NRXN1: variants seen among roughly 807,000 people sequenced by gnomAD.
The protein encoded by NRXN1 is neurexin-1.
Under a neutral mutation model 150.9 loss-of-function variants are expected in NRXN1, and 39 were observed. The ratio of observed to expected loss-of-function variants is 0.26; its 90% CI spans 0.20 to 0.34. The LOEUF is 0.34. Ranked by LOEUF, NRXN1 falls within the 10% of genes least tolerant of loss-of-function variation. The probability of loss-of-function intolerance (pLI) is 1.00; values close to 1 mark genes in which losing one functional copy is unlikely to be tolerated. For missense variants in NRXN1, 1,815 were observed against 1,949.9 expected, an observed-to-expected ratio of 0.93 and a Z score of 1.30; for synonymous variants, 924 against 757.0, an observed-to-expected ratio of 1.22 and a Z score of -3.62.
chr2:50,048,687 G>C (rs943278181), intron 21 of NRXN1, among the ~76,000 whole-genome samples: 1 of 152,062 alleles, frequency 6.6e-6, no homozygotes, highest in Non-Finnish European at 1.5e-5. Context: ...GGAATCAAAT[G>C]CTACTGACTT....
chr2:50,328,323 C>A lies in NRXN1; in HGVS notation c.3365-91353G>T, dbSNP rs574964362. 2.6e-5 allele frequency among the ~76,000 whole-genome samples: 4 copies of A among 152,142 alleles called. No homozygotes were observed. In the East Asian group the frequency reaches 7.7e-4, roughly 29 times the overall value. ...CCCAGGGAAGCCAAAAGCATGGACA[C>A]CCCTGTATAGCATGAGTAAACACCT... On this transcript the variant is annotated intron_variant, in intron 17 of 22. Coordinates refer to ENST00000401669, the MANE Select transcript of NRXN1 (RefSeq NM_001330078.2).
At chr2:50,415,152 T>C (rs879347050) in intron 17 of NRXN1, among the ~76,000 whole-genome samples, 5 of 152,058 alleles carry the variant, frequency 3.3e-5, no homozygotes, top group Non-Finnish European at 5.9e-5. Flanking sequence ...TTTAGTGCTT[T>C]TAAAATTGAA....
intron 8 of NRXN1, among the ~76,000 whole-genome samples, chr2:50,554,890 T>C (rs946031896): frequency 5.9e-5 from 9 of 152,134 alleles, no homozygotes; most frequent in Non-Finnish European, 8.8e-5. Context: ...CAAGCATCTA[T>C]TGACAACAAA....
At chr2:50,543,313 G>A (rs1173927990) in intron 9 of NRXN1, among the ~76,000 whole-genome samples, 2 of 151,932 alleles carry the variant, frequency 1.3e-5, no homozygotes, top group East Asian at 3.9e-4. Flanking sequence ...CCTAAAATTG[G>A]GGAAAAGTTC....
At chr2:49,990,011 A>G (rs980528050) in intron 21 of NRXN1, among the ~76,000 whole-genome samples, 2 of 152,056 alleles carry the variant, frequency 1.3e-5, no homozygotes, top group African/African-American at 4.8e-5. Context: ...GCTTCTAACA[A>G]TGCTGAGGCC....
At chr2:50,895,271 A>G (rs1459955453) in intron 5 of NRXN1, among the ~76,000 whole-genome samples, 1 of 152,190 alleles carries the variant, frequency 6.6e-6, no homozygotes, top group African/African-American at 2.4e-5. Flanking sequence ...AAGGAATCCA[A>G]TAAAAAGGTG....
At chr2:50,625,232 A>C (rs1394253772) in intron 5 of NRXN1, among the ~76,000 whole-genome samples, 1 of 152,106 alleles carries the variant, frequency 6.6e-6, no homozygotes, top group Admixed American at 6.6e-5. Context: ...CATCAGTGCC[A>C]GATGATCTGC....
chr2:50,725,339 C>G (rs1169882876), intron 5 of NRXN1, among the ~76,000 whole-genome samples: 1 of 147,084 alleles, frequency 6.8e-6, no homozygotes, highest in Non-Finnish European at 1.5e-5. Flanking sequence ...AAGTTTTCAA[C>G]AACTTAAAAA....
intron 17 of NRXN1, among the ~76,000 whole-genome samples, chr2:50,400,055 G>T (rs2082299204): frequency 6.6e-6 from 1 of 151,880 alleles, no homozygotes; most frequent in South Asian, 2.1e-4. Flanking sequence ...AGAGCTTGTG[G>T]CATAATGCAC....
At chr2:50,849,610 T>C (rs1378047214) in intron 5 of NRXN1, among the ~76,000 whole-genome samples, 1 of 151,668 alleles carries the variant, frequency 6.6e-6, no homozygotes, top group Non-Finnish European at 1.5e-5. Flanking sequence ...ACAGTTCAGT[T>C]CTCTCTCTCT....
intron 17 of NRXN1, among the ~76,000 whole-genome samples, chr2:50,420,087 C>G (rs1558699417): frequency 6.6e-6 from 1 of 151,976 alleles, no homozygotes; most frequent in African/African-American, 2.4e-5. Context: ...GAATTCTCCT[C>G]TTTTTACAAA....
intron 18 of NRXN1, among the ~76,000 whole-genome samples, chr2:50,158,635 C>A (rs1256633411): frequency 6.6e-6 from 1 of 151,942 alleles, no homozygotes; most frequent in East Asian, 1.9e-4. Flanking sequence ...CTTCAGAAAC[C>A]AGGAAGCTGA....
intron 17 of NRXN1, among the ~76,000 whole-genome samples, chr2:50,454,036 A>C (rs768321492): frequency 9.8e-5 from 15 of 152,316 alleles, no homozygotes; most frequent in East Asian, 3.9e-4. Context: ...AATTAATATG[A>C]TAATATACAG....
At chr2:50,047,354 A>T (rs1691977949) in intron 21 of NRXN1, among the ~76,000 whole-genome samples, 1 of 151,836 alleles carries the variant, frequency 6.6e-6, no homozygotes. Flanking sequence ...ACACACATAT[A>T]TATATGTTCT....
chr2:49,993,025 T>C lies in NRXN1; in HGVS notation c.4129-49234A>G, dbSNP rs72887845. Among the ~76,000 whole-genome samples, 773 of 152,316 alleles carry C rather than the reference T, an allele frequency of 5.1e-3. 6 individuals are homozygous for C. Among genetic ancestry groups the C allele is most frequent in the African/African-American group, 0.018 (744 of 41,562 alleles). ...CAGTTTCTAACAAAGCTAAACATAC[T>C]TTTACCATACAATCCAGCAATCACT... On this transcript the variant is annotated intron_variant, in intron 21 of 22. Coordinates refer to ENST00000401669, the MANE Select transcript of NRXN1 (RefSeq NM_001330078.2).
intron 15 of NRXN1, among the ~76,000 whole-genome samples, chr2:50,488,850 G>A (rs978416544): frequency 3.9e-5 from 6 of 152,206 alleles, no homozygotes; most frequent in Non-Finnish European, 1.5e-5. Flanking sequence ...TGAACAAGAA[G>A]CTCGAATTCT....
Position 50,465,398 on chromosome 2 carries a change from G to T in NRXN1, c.3364+44C>A, listed in dbSNP as rs781721675. On this transcript the variant is annotated intron_variant, in intron 17 of 22. Transcript: ENST00000401669. ...AGACTTTAGATATCAAACAGTAACTGGAAGCAACGATGAGTATCAGTCCAT... is the reference window on the plus strand; with the variant it reads ...AGACTTTAGATATCAAACAGTAACTTGAAGCAACGATGAGTATCAGTCCAT... 2.6e-6 allele frequency: 4 copies of T among 1,541,260 alleles called. No homozygotes were observed. The Admixed American group carries it at 7.7e-5, about 29-fold the overall frequency.
intron 18 of NRXN1, among the ~76,000 whole-genome samples, chr2:50,168,545 T>G (rs551085123): frequency 6.6e-6 from 1 of 152,318 alleles, no homozygotes; most frequent in East Asian, 1.9e-4. Context: ...TTAACAGAAC[T>G]TAGTTTTTTT....
intron 5 of NRXN1, among the ~76,000 whole-genome samples, chr2:50,896,972 C>T (rs1042922856): frequency 2.6e-5 from 4 of 152,146 alleles, no homozygotes; most frequent in African/African-American, 9.7e-5. Flanking sequence ...CAGGAAGTGT[C>T]CTGAGCAAAA....
Sources: gnomAD v4.1 joint callset for allele counts (sites outside exome capture counted in the v4.1 genomes callset) on GRCh38, gnomAD v4.1.1 for gene constraint, MANE v1.5 for transcripts, NCBI Gene and HGNC (gene_info 2026-07-23, HGNC 2026-07-21) for gene names.